The following CYP4F8 variants were observed in gnomAD, a reference collection of about 807,000 sequenced individuals.
CYP4F8 encodes cytochrome P450 4F8.
Under a neutral mutation model 55.0 loss-of-function variants are expected in CYP4F8, and 56 were observed. That is an observed-to-expected ratio of 1.02 (90% CI 0.82 to 1.27). The LOEUF (loss-of-function observed/expected upper bound fraction) is 1.27, where lower values mean the gene tolerates loss of function less well. CYP4F8 is among the 50% of genes most tolerant of loss of function. CYP4F8 has a pLI of 0.00. For missense variants in CYP4F8, 680 were observed against 682.4 expected (o/e 1.00, Z 0.04); for synonymous variants, 288 against 267.3 (o/e 1.08, Z -0.76).
At chr19:15,618,392 G>A (rs914012809) in intron 3 of CYP4F8, 2 of 632,132 alleles carry the variant, frequency 3.2e-6, no homozygotes, top group Admixed American at 2.2e-5. Flanking sequence ...CTTAATCCAA[G>A]GCCCTGTCCT....
intron 12 of CYP4F8, 138 bp downstream of exon 12, chr19:15,628,981 A>G (rs1304840387): frequency 4.0e-6 from 5 of 1,253,828 alleles, no homozygotes; most frequent in Non-Finnish European, 5.4e-6. Context: ...GGGTGTGCTC[A>G]GAGCCTCCTG....
Position 15,628,525 on chromosome 19 carries a change from C to A in CYP4F8, c.1250-6C>A, listed in dbSNP as rs1034820511. 1 of 1,613,684 alleles carries A rather than the reference C, an allele frequency of 6.2e-7. No individual in the cohort carries two copies. Among genetic ancestry groups the A allele is most frequent in the East Asian group, 2.2e-5 (1 of 44,886 alleles). On this transcript the variant is annotated splice_polypyrimidine_tract_variant and splice_region_variant and intron_variant, in intron 10 of 12. Transcript: ENST00000612078. Reference sequence around the variant, plus strand: ...CTTGTTCTTACTGTCCTCTCCTGCACGACAGGGAATGTCTGTAACATCAAC... The same window carrying A: ...CTTGTTCTTACTGTCCTCTCCTGCAAGACAGGGAATGTCTGTAACATCAAC...
chr19:15,623,824 G>A lies in CYP4F8; in HGVS notation c.985+59G>A, dbSNP rs369571170. Reference sequence around the variant, plus strand: ...AGGGGTCTCTCCACTCCAGGGAAGTGGAGGGCCGGCCCTGAATCACTTCAT... The same window carrying A: ...AGGGGTCTCTCCACTCCAGGGAAGTAGAGGGCCGGCCCTGAATCACTTCAT... On this transcript the variant is annotated intron_variant, in intron 8 of 12. Transcript: ENST00000612078. The A allele has an allele frequency of 1.0e-4, 168 of 1,606,962 alleles. No homozygotes were observed. In the African/African-American group the frequency reaches 2.0e-3, roughly 19 times the overall value.
chr19:15,627,768 CT>C (rs1972280824), intron 9 of CYP4F8: 1 of 152,562 alleles, frequency 6.6e-6, no homozygotes, highest in Admixed American at 6.5e-5. Flanking sequence ...CAAATGAACA[CT>C]TTTGTTTTTG....
At chr19:15,622,999 A>G in intron 6 of CYP4F8, 106 bp from the exon 7 acceptor site, 1 of 1,337,440 alleles carries the variant, frequency 7.5e-7, no homozygotes, top group South Asian at 1.4e-5. Flanking sequence ...CGCTTGCAGG[A>G]CACCCCTTTC....
At chr19:15,628,043 G>A (rs1599864245) in intron 9 of CYP4F8, 2 of 491,338 alleles carry the variant, frequency 4.1e-6, no homozygotes, top group Non-Finnish European at 7.1e-6. Flanking sequence ...ACAGGAGTGA[G>A]CCACTGCACC....
chr19:15,624,158 C>T, intron 9 of CYP4F8, 64 bp downstream of exon 9: 3 of 1,583,126 alleles, frequency 1.9e-6, no homozygotes, highest in Non-Finnish European at 1.7e-6. Flanking sequence ...TGGTTCTTCT[C>T]CCCAGGTGGG....
At chr19:15,617,531 T>TATCC (rs1972139580) in intron 2 of CYP4F8, among the ~76,000 whole-genome samples, 1 of 148,530 alleles carries the variant, frequency 6.7e-6, no homozygotes, top group Non-Finnish European at 1.5e-5. Flanking sequence ...TCTATCTATC[T>TATCC]ATCAGTCCGT....
At chr19:15,615,932 C>CTCACTCATTCCTCTGA in intron 2 of CYP4F8, 118 bp downstream of exon 2, 3 of 1,108,188 alleles carry the variant, frequency 2.7e-6, no homozygotes, top group Non-Finnish European at 3.7e-6. Flanking sequence ...CCTCTGATCA[C>CTCACTCATTCCTCTGA]TCACTCATTC....
rs763867629 is a variant in CYP4F8, at chr19:15,619,722, C to G, written c.485C>G (p.Pro162Arg). The change falls in exon 5 of 13, where the codon CCC (proline) becomes CGC (arginine). Residue 162 changes from proline (P) to arginine (R), a missense_variant. Physicochemically the swap from Pro to Arg is moderately radical, Grantham distance 103. Transcript: ENST00000612078. ...TPAFHFNILK[P>R]YIKIFSKSAN... ...GCCTTCCATTTCAACATCCTGAAGCCCTATATAAAGATTTTCAGCAAGAGT... is the reference window on the plus strand; with the variant it reads ...GCCTTCCATTTCAACATCCTGAAGCGCTATATAAAGATTTTCAGCAAGAGT... 6.2e-7 allele frequency: 1 copy of G among 1,614,150 alleles called. No individual in the cohort carries two copies. The highest frequency in any genetic ancestry group is 1.1e-5 in the South Asian group (1 of 91,084).
At chr19:15,622,085 C>T (rs970476464) in intron 5 of CYP4F8, 134 bp from the exon 6 acceptor site, 9 of 1,219,676 alleles carry the variant, frequency 7.4e-6, no homozygotes, top group Non-Finnish European at 1.0e-5. Context: ...CAAGCGTAGT[C>T]CTCCCTGAGG....
rs1972145380 is a variant in CYP4F8 at position 15,618,035 on chromosome 19, C to T, written c.234C>T (p.Thr78=). Reference sequence around the variant, plus strand: ...CAGAGGAGGGCTTGAGGGTCCTGACCCAGCTGGTGGCCACCTACCCCCAGG... The same window carrying T: ...CAGAGGAGGGCTTGAGGGTCCTGACTCAGCTGGTGGCCACCTACCCCCAGG... ...TPTEEGLRVL[T]QLVATYPQGF... Residue 78 remains threonine (T), a synonymous_variant, in exon 3 of 13, where the codon ACC becomes ACT. Coordinates refer to ENST00000612078, the MANE Select transcript of CYP4F8 (RefSeq NM_007253.4). The T allele has an allele frequency of 6.2e-7, 1 of 1,614,058 alleles. No individual in the cohort carries two copies. The highest frequency in any genetic ancestry group is 1.3e-5 in the African/African-American group (1 of 75,022).
In CYP4F8 at chr19:15,629,284, G is replaced by C. The variant is rs374947346; in HGVS notation, c.1489G>C (p.Glu497Gln). ...CTTCCGCATCCTGCCCGACCACAGG[G>C]AGCCACGCAGGACGCCGGAGATTGT... ...LRFRILPDHR[E>Q]PRRTPEIVLR... The change falls in exon 13 of 13, where the codon GAG (glutamate) becomes CAG (glutamine). Residue 497 changes from glutamate (E) to glutamine (Q), a missense_variant. Glu to Gln is a conservative substitution (Grantham distance 29). Coordinates refer to ENST00000612078, the MANE Select transcript of CYP4F8 (RefSeq NM_007253.4). 5 of 1,613,214 alleles carry C rather than the reference G, an allele frequency of 3.1e-6. No individual in the cohort carries two copies. The African/African-American group carries it at 6.7e-5, about 22-fold the overall frequency.
rs1174737583 is a variant in CYP4F8 at position 15,628,519 on chromosome 19, C to T, written c.1250-12C>T. 1.9e-6 allele frequency: 3 copies of T among 1,613,694 alleles called. No homozygotes were observed. The highest frequency in any genetic ancestry group is 2.7e-5 in the African/African-American group (2 of 74,924). On this transcript the variant is annotated splice_polypyrimidine_tract_variant and intron_variant, in intron 10 of 12. Coordinates refer to ENST00000612078, the MANE Select transcript of CYP4F8 (RefSeq NM_007253.4). Reference sequence around the variant, plus strand: ...TCGGACCTTGTTCTTACTGTCCTCTCCTGCACGACAGGGAATGTCTGTAAC... The same window carrying T: ...TCGGACCTTGTTCTTACTGTCCTCTTCTGCACGACAGGGAATGTCTGTAAC...
chr19:15,628,707 T>A, intron 11 of CYP4F8, 54 bp from the exon 12 acceptor site: 1 of 1,609,114 alleles, frequency 6.2e-7, no homozygotes, highest in Non-Finnish European at 8.5e-7. Context: ...TATGTGGGGG[T>A]GGCTGGGTGT....
Position 15,618,347 on chromosome 19 carries a change from G to A in CYP4F8, c.343+203G>A, listed in dbSNP as rs150613125. 380 of 886,516 alleles carry A rather than the reference G, an allele frequency of 4.3e-4. 2 individuals carry two copies. Among genetic ancestry groups the A allele is most frequent in the African/African-American group, 4.1e-3 (251 of 60,576 alleles). The allele number at this position is 886,516 out of a possible 1,614,324, so 54.9% of individuals were successfully genotyped here. A position where few individuals can be genotyped will look rare whatever the true frequency, so the allele number is the denominator to read the frequency against. On this transcript the variant is annotated intron_variant, in intron 3 of 12. Coordinates refer to ENST00000612078, the MANE Select transcript of CYP4F8 (RefSeq NM_007253.4). Reference sequence around the variant, plus strand: ...CTCTGCTGCCATCTTCCCCACCTCCGTGTTGTTCTGGGAACCACTGGGGCC... The same window carrying A: ...CTCTGCTGCCATCTTCCCCACCTCCATGTTGTTCTGGGAACCACTGGGGCC...
intron 7 of CYP4F8, 161 bp from the exon 8 acceptor site, chr19:15,623,538 G>T: frequency 9.8e-7 from 1 of 1,020,622 alleles, no homozygotes; most frequent in Non-Finnish European, 1.3e-6. Context: ...TGCATAGAAA[G>T]CTTCCTGGGA....
rs1972317312 is a variant in CYP4F8 at position 15,630,083 on chromosome 19, T to C, written c.*725T>C. The C allele has an allele frequency of 8.0e-5, 12 of 150,236 alleles. No individual in the cohort carries two copies. Among genetic ancestry groups the C allele is most frequent in the Admixed American group, 7.9e-4 (12 of 15,100 alleles). 9.3% of individuals were successfully genotyped at this position (150,236 alleles called of 1,614,324 possible). Reference sequence around the variant, plus strand: ...GGTTTTGCTATGTTGGCCAGGCTGGTCTCAAACTCCTGGCCTCAAGTGATC... The same window carrying C: ...GGTTTTGCTATGTTGGCCAGGCTGGCCTCAAACTCCTGGCCTCAAGTGATC... On this transcript the variant is annotated 3_prime_UTR_variant, in exon 13 of 13. Transcript: ENST00000612078.
In CYP4F8 at chr19:15,618,156, G is replaced by A; in HGVS notation, c.343+12G>A. Reference sequence around the variant, plus strand: ...CATCAATACCTCAGGTACTCCTGCAGAGCTTGTGGTGGTGGGCACAGGAGA... The same window carrying A: ...CATCAATACCTCAGGTACTCCTGCAAAGCTTGTGGTGGTGGGCACAGGAGA... On this transcript the variant is annotated intron_variant, in intron 3 of 12. Coordinates refer to ENST00000612078, the MANE Select transcript of CYP4F8 (RefSeq NM_007253.4). 1 of 1,614,068 alleles carries A rather than the reference G, an allele frequency of 6.2e-7. No individual in the cohort carries two copies. The highest frequency in any genetic ancestry group is 8.5e-7 in the Non-Finnish European group (1 of 1,179,954).
Sources: gnomAD v4.1 joint callset for allele counts (sites outside exome capture counted in the v4.1 genomes callset) on GRCh38, gnomAD v4.1.1 for gene constraint, MANE v1.5 for transcripts, NCBI Gene and HGNC (gene_info 2026-07-23, HGNC 2026-07-21) for gene names.